Variants in CSMD1 observed in about 807,000 individuals in gnomAD.
The protein encoded by CSMD1 is CUB and sushi domain-containing protein 1.
CSMD1 carries 213 observed loss-of-function variants against 417.5 expected under a neutral mutation model. The ratio of observed to expected loss-of-function variants is 0.51; its 90% confidence interval spans 0.46 to 0.57. The LOEUF is 0.57. CSMD1 is among the 20% of genes least tolerant of loss of function. The probability of loss-of-function intolerance (pLI) is 0.00; values close to 1 mark genes in which losing one functional copy is unlikely to be tolerated. For missense variants in CSMD1, 6,923 were observed against 4,529.7 expected (o/e 1.53, Z -15.17); for synonymous variants, 2,862 against 1,736.8 (o/e 1.65, Z -16.11).
chr8:3,389,623 G>A (rs1811223276), intron 17 of CSMD1, among the ~76,000 whole-genome samples: 1 of 43,576 alleles, frequency 2.3e-5, no homozygotes, highest in South Asian at 8.0e-4. Flanking sequence ...GAATAAGTGA[G>A]GATTATATAT....
intron 3 of CSMD1, among the ~76,000 whole-genome samples, chr8:4,245,378 C>A (rs994605581): frequency 1.3e-5 from 2 of 152,106 alleles, no homozygotes; most frequent in Admixed American, 1.3e-4. Flanking sequence ...CCCAGCCTGC[C>A]TTTTCTGACA....
At chr8:3,477,698 G>T (rs1391748476) in intron 11 of CSMD1, among the ~76,000 whole-genome samples, 1 of 152,146 alleles carries the variant, frequency 6.6e-6, no homozygotes, top group Non-Finnish European at 1.5e-5. Context: ...AAACCAGAAG[G>T]AATTTAAGCT....
chr8:4,615,894 A>G (rs967098314), intron 2 of CSMD1, among the ~76,000 whole-genome samples: 6 of 152,162 alleles, frequency 3.9e-5, no homozygotes, highest in Admixed American at 3.9e-4. Context: ...GGATGAATTC[A>G]TAGCCCATAA....
intron 10 of CSMD1, among the ~76,000 whole-genome samples, chr8:3,572,763 C>A (rs910517405): frequency 2.0e-5 from 3 of 151,990 alleles, no homozygotes; most frequent in Non-Finnish European, 4.4e-5. Context: ...TATTTGAGCC[C>A]CTATGGAAAT....
At chr8:3,633,763 G>A (rs1796899310) in intron 7 of CSMD1, among the ~76,000 whole-genome samples, 1 of 151,930 alleles carries the variant, frequency 6.6e-6, no homozygotes, top group African/African-American at 2.4e-5. Flanking sequence ...AACCCCATAG[G>A]CATTGCTTTA....
intron 5 of CSMD1, among the ~76,000 whole-genome samples, chr8:3,908,906 C>A (rs530408938): frequency 6.6e-6 from 1 of 152,216 alleles, no homozygotes; most frequent in Non-Finnish European, 1.5e-5. Context: ...GAAGATCACT[C>A]ATGCATCTAT....
At chr8:3,122,744 A>G (rs1016741614) in intron 41 of CSMD1, among the ~76,000 whole-genome samples, 2 of 150,590 alleles carry the variant, frequency 1.3e-5, no homozygotes, top group East Asian at 1.9e-4. Context: ...CATGATTCTC[A>G]GCTCCCCCGA....
intron 5 of CSMD1, among the ~76,000 whole-genome samples, chr8:3,985,761 T>A (rs1295206515): frequency 6.7e-6 from 1 of 149,010 alleles, no homozygotes; most frequent in African/African-American, 2.5e-5. Context: ...AAGTGATTTT[T>A]TTTTTTTTTT....
chr8:3,228,167 T>G (rs1798628165), intron 27 of CSMD1, among the ~76,000 whole-genome samples: 1 of 152,240 alleles, frequency 6.6e-6, no homozygotes, highest in Admixed American at 6.5e-5. Context: ...TGACAACTTT[T>G]TTCTCCTCTT....
chr8:4,521,697 C>T (rs1803458909), intron 2 of CSMD1, among the ~76,000 whole-genome samples: 1 of 152,180 alleles, frequency 6.6e-6, no homozygotes, highest in African/African-American at 2.4e-5. Context: ...TATTGCCCTC[C>T]TCTGGTATAA....
intron 3 of CSMD1, among the ~76,000 whole-genome samples, chr8:4,139,402 T>C (rs1563174538): frequency 6.6e-6 from 1 of 152,064 alleles, no homozygotes; most frequent in African/African-American, 2.4e-5. Context: ...AAGTGAACAT[T>C]GCTGTGCTAA....
intron 5 of CSMD1, among the ~76,000 whole-genome samples, chr8:3,925,732 G>C (rs899400737): frequency 6.6e-6 from 1 of 151,942 alleles, no homozygotes; most frequent in African/African-American, 2.4e-5. Flanking sequence ...CCATGATTCT[G>C]AGGCCTCCCC....
intron 49 of CSMD1, among the ~76,000 whole-genome samples, chr8:3,074,342 G>A (rs1813497766): frequency 6.6e-6 from 1 of 152,200 alleles, no homozygotes; most frequent in Non-Finnish European, 1.5e-5. Flanking sequence ...TTCCTGAAGT[G>A]TGTCTGTGCC....
chr8:3,209,810 T>C lies in CSMD1; in HGVS notation c.4868-4190A>G, dbSNP rs188997479. Among the ~76,000 whole-genome samples, 33 of 152,340 alleles carry C rather than the reference T, an allele frequency of 2.2e-4. No homozygotes were observed. The South Asian group carries it at 5.0e-3, about 23-fold the overall frequency. Reference sequence around the variant, plus strand: ...GAATAAAGACATACAAAAGCATTCATTGCTAATGGTAACAAGAAGCTTGCT... The same window carrying C: ...GAATAAAGACATACAAAAGCATTCACTGCTAATGGTAACAAGAAGCTTGCT... On this transcript the variant is annotated intron_variant, in intron 30 of 69. Transcript: ENST00000635120.
intron 33 of CSMD1, among the ~76,000 whole-genome samples, chr8:3,192,866 A>G (rs1412173115): frequency 1.3e-5 from 2 of 152,004 alleles, no homozygotes; most frequent in Admixed American, 6.6e-5. Flanking sequence ...ATATAACATA[A>G]TATTTCTTGA....
chr8:3,365,810 AC>A (rs1374780635), intron 20 of CSMD1, among the ~76,000 whole-genome samples: 1 of 152,108 alleles, frequency 6.6e-6, no homozygotes, highest in Non-Finnish European at 1.5e-5. Flanking sequence ...ACTACAGTTG[AC>A]CTTGAATAAT....
At chr8:4,466,402 G>C (rs1330764100) in intron 2 of CSMD1, among the ~76,000 whole-genome samples, 4 of 151,908 alleles carry the variant, frequency 2.6e-5, no homozygotes, top group African/African-American at 9.7e-5. Context: ...AAAAAACAAA[G>C]CCAAAAAAAA....
chr8:3,390,766 A>C (rs1811301739), intron 17 of CSMD1, among the ~76,000 whole-genome samples: 1 of 152,024 alleles, frequency 6.6e-6, no homozygotes, highest in African/African-American at 2.4e-5. Context: ...GCTCATACGG[A>C]GGTACATTTG....
At chr8:3,391,771 G>C (rs1811364652) in intron 17 of CSMD1, among the ~76,000 whole-genome samples, 1 of 152,172 alleles carries the variant, frequency 6.6e-6, no homozygotes, top group Non-Finnish European at 1.5e-5. Flanking sequence ...CTGTGGCTGT[G>C]ATTTCTGCAA....
Sources: gnomAD v4.1 joint callset for allele counts (sites outside exome capture counted in the v4.1 genomes callset) on GRCh38, gnomAD v4.1.1 for gene constraint, MANE v1.5 for transcripts, NCBI Gene and HGNC (gene_info 2026-07-23, HGNC 2026-07-21) for gene names.